The following PARP15 variants were observed in gnomAD, a reference collection of about 807,000 sequenced individuals.
PARP15 encodes protein mono-ADP-ribosyltransferase PARP15.
Under a neutral mutation model 62.1 loss-of-function variants are expected in PARP15, and 50 were observed. That is an observed-to-expected ratio of 0.81 (90% CI 0.64 to 1.02). The LOEUF (loss-of-function observed/expected upper bound fraction) is 1.02, where lower values mean the gene tolerates loss of function less well. PARP15 is among the 50% of genes least tolerant of loss of function. The pLI is 0.00. For missense variants in PARP15, 820 were observed against 826.5 expected (o/e 0.99, Z 0.10); for synonymous variants, 309 against 293.1 (o/e 1.05, Z -0.55).
intron 1 of PARP15, among the ~76,000 whole-genome samples, chr3:122,584,165 T>A (rs138226048): frequency 1.8e-4 from 27 of 152,346 alleles, no homozygotes; most frequent in African/African-American, 5.8e-4. Flanking sequence ...TTAACAAAAT[T>A]TCTAATTGTT....
chr3:122,578,875 T>C (rs1174291656), intron 1 of PARP15, among the ~76,000 whole-genome samples: 1 of 152,222 alleles, frequency 6.6e-6, no homozygotes, highest in Admixed American at 6.5e-5. Context: ...GAGTATGTAA[T>C]GTATATGATA....
At chr3:122,632,825 G>A (rs1157812998) in intron 10 of PARP15, among the ~76,000 whole-genome samples, 2 of 152,200 alleles carry the variant, frequency 1.3e-5, no homozygotes, top group Non-Finnish European at 1.5e-5. Flanking sequence ...GATCCATATT[G>A]AAATCCTGAT....
chr3:122,619,656 G>A lies in PARP15; in HGVS notation c.1001-125G>A, dbSNP rs184929320. On this transcript the variant is annotated intron_variant, in intron 6 of 11. Transcript: ENST00000464300. ...GTTGCTATAGAAAGAGCAGTTGGTC[G>A]GGCGTGGGGGTGGTCAATGGATTAT... 2,399 of 770,432 alleles carry A rather than the reference G, an allele frequency of 3.1e-3. 25 individuals are homozygous for A. The highest frequency in any genetic ancestry group is 2.1e-3 in the Non-Finnish European group (924 of 442,066). The allele number at this position is 770,432 out of a possible 1,614,324, so 47.7% of individuals were successfully genotyped here.
intron 1 of PARP15, among the ~76,000 whole-genome samples, chr3:122,584,573 C>CTTTTTTTTTTTTTTTTTTTTTTTT (rs377394521): frequency 1.5e-5 from 2 of 136,908 alleles, no homozygotes; most frequent in African/African-American, 2.8e-5. Context: ...CCATTTCTTT[C>CTTTTTTTTTTTTTTTTTTTTTTTT]CTTTTTTTTT....
At chr3:122,632,508 C>T (rs2107604870) in intron 10 of PARP15, among the ~76,000 whole-genome samples, 1 of 152,308 alleles carries the variant, frequency 6.6e-6, no homozygotes, top group Admixed American at 6.5e-5. Context: ...AATGGAAAGT[C>T]CCAAAGTAGG....
At chr3:122,632,001 G>A (rs987737892) in intron 9 of PARP15, 85 bp from the exon 10 acceptor site, 27 of 1,486,722 alleles carry the variant, frequency 1.8e-5, no homozygotes, top group Admixed American at 5.2e-5. Context: ...TTTGGATGAC[G>A]AGAGACAAGT....
chr3:122,608,577 C>T (rs1036099899), intron 2 of PARP15, among the ~76,000 whole-genome samples: 1 of 152,110 alleles, frequency 6.6e-6, no homozygotes. Context: ...TTCTTTCTAC[C>T]TGACCCAATT....
Position 122,637,450 on chromosome 3 carries a change from T to A in PARP15, c.*1350T>A, listed in dbSNP as rs1346873579. On this transcript the variant is annotated 3_prime_UTR_variant, in exon 12 of 12. Transcript: ENST00000464300. ...ACAGAGCAAGTTTTATTCCTCTTAC[T>A]GATGGTAGCCTTTCAGATCCATCCC... 1 of 152,238 alleles carries A rather than the reference T, an allele frequency of 6.6e-6. No individual in the cohort carries two copies. The highest frequency in any genetic ancestry group is 2.4e-5 in the African/African-American group (1 of 41,460). The allele number at this position is 152,238 out of a possible 1,614,324, so 9.4% of individuals were successfully genotyped here.
chr3:122,577,803 G>C lies in PARP15; in HGVS notation c.136G>C (p.Gly46Arg), dbSNP rs548760955. The change falls in exon 1 of 12, where the codon GGG becomes CGG. Residue 46 changes from glycine (G) to arginine (R), a missense_variant. This residue lies in a region of PARP15 where 731 missense variants were observed against 727.7 expected (regional missense o/e 1.00). Coordinates refer to ENST00000464300, the MANE Select transcript of PARP15 (RefSeq NM_001113523.3). ...GGAGGCGGGGAGCGTGCTGCCGGCC[G>C]GGAACCGTGGGGCGCGGAAGGCCTC... ...DREAGSVLPA[G>R]NRGARKASRR... 44 of 1,550,718 alleles carry C rather than the reference G, an allele frequency of 2.8e-5. No individual in the cohort carries two copies. Among genetic ancestry groups the C allele is most frequent in the Non-Finnish European group, 3.8e-5 (44 of 1,146,596 alleles).
At chr3:122,593,090 G>GTCCATCTATCTATCTATCTA (rs1553727449) in intron 1 of PARP15, among the ~76,000 whole-genome samples, 1 of 147,752 alleles carries the variant, frequency 6.8e-6, no homozygotes, top group African/African-American at 2.5e-5. Flanking sequence ...AAAATTATCT[G>GTCCATCTATCTATCTATCTA]TCTATCTATC....
chr3:122,627,945 GA>G (rs1936837166), intron 9 of PARP15, among the ~76,000 whole-genome samples: 1 of 152,208 alleles, frequency 6.6e-6, no homozygotes, highest in African/African-American at 2.4e-5. Context: ...GCAAAAAGCA[GA>G]ATTCAATAAC....
Position 122,608,301 on chromosome 3 carries a change from C to T in PARP15, c.307-2193C>T, listed in dbSNP as rs181002683. On this transcript the variant is annotated intron_variant, in intron 2 of 11. Transcript: ENST00000464300. ...TGTGATCTCGGCTCACTACAACCTC[C>T]GCCTCCTGGGTTCAAGTGATTCTCC... Among the ~76,000 whole-genome samples, 788 of 147,772 alleles carry T rather than the reference C, an allele frequency of 5.3e-3. 7 individuals carry two copies. The highest frequency in any genetic ancestry group is 0.019 in the African/African-American group (748 of 39,910).
At chr3:122,583,378 C>T (rs573934076) in intron 1 of PARP15, among the ~76,000 whole-genome samples, 5 of 151,906 alleles carry the variant, frequency 3.3e-5, no homozygotes, top group African/African-American at 9.6e-5. Context: ...CCACCCACTT[C>T]GGCCTCCCAA....
chr3:122,579,295 G>A (rs2080750363), intron 1 of PARP15, among the ~76,000 whole-genome samples: 1 of 152,030 alleles, frequency 6.6e-6, no homozygotes, highest in African/African-American at 2.4e-5. Flanking sequence ...CATTCGCTAT[G>A]TTGTCTATTT....
rs79358181 is a variant in PARP15 at position 122,616,717 on chromosome 3, C to G, written c.851-298C>G. 0.033 allele frequency among the ~76,000 whole-genome samples: 5,014 copies of G among 152,200 alleles called. 297 individuals are homozygous for G. The highest frequency in any genetic ancestry group is 0.11 in the African/African-American group (4,733 of 41,490). On this transcript the variant is annotated intron_variant, in intron 5 of 11. Coordinates refer to ENST00000464300, the MANE Select transcript of PARP15 (RefSeq NM_001113523.3). ...ACACTCCCTTTTTTTTCTCACTCCT[C>G]TCTCTTGACACCCCAGCAGCTCTTG...
intron 8 of PARP15, 43 bp from the exon 9 acceptor site, chr3:122,626,784 C>T (rs758474832): frequency 4.5e-6 from 7 of 1,561,154 alleles, no homozygotes; most frequent in Admixed American, 1.8e-5. Flanking sequence ...ATCATATTAG[C>T]AACATCGGGG....
At chr3:122,577,993 T>A (rs1192240429) in intron 1 of PARP15, 140 bp downstream of exon 1, 1 of 787,882 alleles carries the variant, frequency 1.3e-6, no homozygotes, top group African/African-American at 1.8e-5. Flanking sequence ...CTACACTGAC[T>A]TCCCTGTTCC....
At chr3:122,628,108 C>T (rs1028684946) in intron 9 of PARP15, among the ~76,000 whole-genome samples, 3 of 152,228 alleles carry the variant, frequency 2.0e-5, no homozygotes, top group African/African-American at 7.2e-5. Flanking sequence ...ATGGTGAAAG[C>T]TGGCTGCTAG....
At position 122,608,218 on chromosome 3, in the gene PARP15, T is replaced by C. The variant is rs868200425; in HGVS notation, c.306+2163T>C. Among the ~76,000 whole-genome samples the C allele has an allele frequency of 8.0e-3, 1,099 of 137,428 alleles. 14 individuals carry two copies. Among genetic ancestry groups the C allele is most frequent in the African/African-American group, 0.032 (1,039 of 32,526 alleles). The allele number at this position is 137,428 out of a possible 152,430, so 90.2% of individuals were successfully genotyped here. ...TCTTTTTTTCTTTCTCTTTTCTTTT[T>C]TTTTTTTTTTTTTTTTGATACTGAG... On this transcript the variant is annotated intron_variant, in intron 2 of 11. Transcript: ENST00000464300.
Sources: gnomAD v4.1 joint callset for allele counts (sites outside exome capture counted in the v4.1 genomes callset) on GRCh38, gnomAD v4.1.1 for gene constraint, gnomAD v4.1.1 regional missense constraint, MANE v1.5 for transcripts, NCBI Gene and HGNC (gene_info 2026-07-23, HGNC 2026-07-21) for gene names.